Variants in FAM156A observed in about 807,000 individuals in gnomAD.
FAM156A encodes the protein family with sequence similarity 156 member A.
At chrX:52,994,418 A>C (rs1157695762) in intron 1 of FAM156A, among the ~76,000 whole-genome samples, 1 of 111,543 alleles carries the variant, frequency 9.0e-6, no homozygotes, top group African/African-American at 3.3e-5. Flanking sequence ...CAGAAGTTCA[A>C]GTAGCTCAGA....
intron 1 of FAM156A, among the ~76,000 whole-genome samples, chrX:52,990,077 T>C (rs1186038857): frequency 1.8e-5 from 2 of 110,910 alleles, no homozygotes; most frequent in African/African-American, 3.3e-5. Context: ...TGCCCCTACC[T>C]GTCCACATGC....
chrX:52,974,005 G>T (rs1276878333), intron 1 of FAM156A, among the ~76,000 whole-genome samples: 1 of 110,475 alleles, frequency 9.1e-6, no homozygotes, highest in Non-Finnish European at 1.9e-5. Context: ...TAGAAAAAAG[G>T]TCTCCCTATG....
chrX:52,980,465 C>T (rs1336885070), intron 1 of FAM156A, among the ~76,000 whole-genome samples: 2 of 112,242 alleles, frequency 1.8e-5, no homozygotes, highest in Non-Finnish European at 3.8e-5. Context: ...GTATTTCCCT[C>T]ACCAGGCTCT....
chrX:52,982,759 G>C lies in FAM156A; in HGVS notation c.-434+12547C>G, dbSNP rs76885893. ...ATAATACACATCATGTTCAGAAACT[G>C]ATCAGGATGAAATTCCAGATTTAAA... On this transcript the variant is annotated intron_variant, in intron 1 of 4. Coordinates refer to the FAM156A transcript ENST00000610625. Among the ~76,000 whole-genome samples the C allele has an allele frequency of 3.1e-3, 353 of 112,707 alleles. 14 individuals are homozygous for C. The East Asian group carries it at 0.087, about 28-fold the overall frequency.
At chrX:52,980,780 CTCTGTGTGTGTGTG>C (rs1929821039) in intron 1 of FAM156A, among the ~76,000 whole-genome samples, 6 of 61,834 alleles carry the variant, frequency 9.7e-5, no homozygotes, top group Admixed American at 8.6e-4. Context: ...GTTAGGGTTC[CTCTGTGTGTGTGTG>C]TGTGTGTGTG....
intron 1 of FAM156A, among the ~76,000 whole-genome samples, chrX:52,992,912 T>C (rs1374751749): frequency 1.8e-5 from 2 of 111,855 alleles, no homozygotes; most frequent in Admixed American, 1.9e-4. Context: ...TGGCTGACTT[T>C]CAGTGTGGAT....
Position 52,980,780 on chromosome X carries a change from C to CTGTG in FAM156A, c.-434+14525_-434+14526insCACA, listed in dbSNP as rs1569204366. Among the ~76,000 whole-genome samples the CTGTG allele has an allele frequency of 3.2e-4, 20 of 61,830 alleles. No individual in the cohort carries two copies. In the Admixed American group the frequency reaches 3.9e-3, roughly 12 times the overall value. 53.7% of individuals were successfully genotyped at this position (61,830 alleles called of 115,157 possible). A position where few individuals can be genotyped will look rare whatever the true frequency, so the allele number is the denominator to read the frequency against. On this transcript the variant is annotated intron_variant, in intron 1 of 4. Transcript: ENST00000610625. ...GTAAGCAGCCTTTTGGTTAGGGTTCCTCTGTGTGTGTGTGTGTGTGTGTGT... is the reference window on the plus strand; with the variant it reads ...GTAAGCAGCCTTTTGGTTAGGGTTCCTGTGTCTGTGTGTGTGTGTGTGTGTGTGT...
At chrX:52,976,733 G>A (rs1556792337) in intron 1 of FAM156A, among the ~76,000 whole-genome samples, 1 of 111,218 alleles carries the variant, frequency 9.0e-6, no homozygotes, top group Non-Finnish European at 1.9e-5. Context: ...TAACATCCAT[G>A]GTAGCAAACA....
chrX:52,989,115 G>A (rs782274519), intron 1 of FAM156A, among the ~76,000 whole-genome samples: 6 of 111,566 alleles, frequency 5.4e-5, no homozygotes, highest in African/African-American at 1.6e-4. Context: ...TGATGATGAC[G>A]CATGGCTCTA....
At chrX:52,986,268 A>G (rs373409149) in intron 1 of FAM156A, among the ~76,000 whole-genome samples, 3 of 107,254 alleles carry the variant, frequency 2.8e-5, no homozygotes, top group African/African-American at 1.0e-4. Context: ...AAATCACTGC[A>G]GAAAAAAAAA....
chrX:52,990,797 G>GAAAGA (rs782744600), intron 1 of FAM156A, among the ~76,000 whole-genome samples: 16,910 of 69,326 alleles, frequency 0.24, 2,240 homozygotes, highest in Non-Finnish European at 0.27. Flanking sequence ...GAAAAGAAAA[G>GAAAGA]AAAGAAAAGA....
chrX:52,980,147 A>G (rs1435615184), intron 1 of FAM156A, among the ~76,000 whole-genome samples: 3 of 111,875 alleles, frequency 2.7e-5, no homozygotes, highest in Non-Finnish European at 5.6e-5. Flanking sequence ...CGGGGCTTGT[A>G]TGTTGCTTCA....
chrX:52,984,088 T>G (rs781895564), intron 1 of FAM156A, among the ~76,000 whole-genome samples: 4 of 111,385 alleles, frequency 3.6e-5, no homozygotes, highest in South Asian at 3.8e-4. Context: ...AGCATATAGC[T>G]GGACTCATGT....
chrX:52,975,375 C>G (rs1277158759), intron 1 of FAM156A, among the ~76,000 whole-genome samples: 4 of 112,021 alleles, frequency 3.6e-5, no homozygotes, highest in African/African-American at 1.3e-4. Context: ...CATTCCCGCA[C>G]ACACCTCAGG....
chrX:52,984,888 C>CAA (rs1174875093), intron 1 of FAM156A, among the ~76,000 whole-genome samples: 1 of 92,381 alleles, frequency 1.1e-5, no homozygotes, highest in Non-Finnish European at 2.2e-5. Context: ...AAAACAAAAA[C>CAA]AAAAAAAAAA....
At chrX:52,976,216 C>T (rs1398177959) in intron 1 of FAM156A, among the ~76,000 whole-genome samples, 17 of 111,728 alleles carry the variant, frequency 1.5e-4, no homozygotes, top group African/African-American at 5.5e-4. Flanking sequence ...GAGGCTGAGT[C>T]GGGCGGATCA....
intron 1 of FAM156A, among the ~76,000 whole-genome samples, chrX:52,972,397 AAAC>A (rs1195647464): frequency 2.7e-3 from 44 of 16,089 alleles, no homozygotes; most frequent in Non-Finnish European, 3.8e-3. Context: ...AGAAAAAAAC[AAAC>A]AACCCCATCA....
chrX:52,975,518 C>T (rs1182626939), intron 1 of FAM156A, among the ~76,000 whole-genome samples: 7 of 112,187 alleles, frequency 6.2e-5, no homozygotes, highest in Non-Finnish European at 1.1e-4. Context: ...CCCCCAATTC[C>T]TCTTTCAGGG....
intron 1 of FAM156A, among the ~76,000 whole-genome samples, chrX:52,977,569 T>G (rs1461228514): frequency 9.0e-6 from 1 of 111,148 alleles, no homozygotes; most frequent in Non-Finnish European, 1.9e-5. Flanking sequence ...CCTGAGTAGC[T>G]GGGAATACAG....
Sources: gnomAD v4.1 joint callset for allele counts (sites outside exome capture counted in the v4.1 genomes callset) on GRCh38, gnomAD v4.1.1 for gene constraint, MANE v1.5 for transcripts, NCBI Gene and HGNC (gene_info 2026-07-23, HGNC 2026-07-21) for gene names.